The following SATB2 variants were observed in gnomAD, a reference collection of about 807,000 sequenced individuals.
SATB2 encodes SATB homeobox 2.
In SATB2, 1 loss-of-function variant was observed where a neutral mutation model predicts 73.4. The observed-to-expected ratio is 0.01, with a 90% CI of 0.00 to 0.06. The LOEUF (loss-of-function observed/expected upper bound fraction) is 0.06, where lower values mean the gene tolerates loss of function less well. SATB2 is among the 10% of genes least tolerant of loss of function. The probability of loss-of-function intolerance (pLI) is 1.00; values close to 1 mark genes in which losing one functional copy is unlikely to be tolerated. For missense variants in SATB2, 459 were observed against 945.8 expected (o/e 0.49, Z 6.75); for synonymous variants, 397 against 367.0 (o/e 1.08, Z -0.93).
chr2:199,368,416 C>A (rs1209311205), intron 6 of SATB2, among the ~76,000 whole-genome samples, 189 bp downstream of exon 6: 1 of 152,086 alleles, frequency 6.6e-6, no homozygotes, highest in East Asian at 1.9e-4. Context: ...ACTAATTTTA[C>A]TTTTACTTCA....
chr2:199,302,972 G>A lies in SATB2; in HGVS notation c.1740+5788C>T, dbSNP rs116359561. The stretch of plus-strand genomic sequence containing the variant: ...TCACACCAATGATTTGTGGGTTTCA[G>A]TGCATTAGGTGTTCTGTAAATAAGA... On this transcript the variant is annotated intron_variant, in intron 10 of 10. Transcript: ENST00000417098. Among the ~76,000 whole-genome samples the A allele has an allele frequency of 3.6e-3, 550 of 152,292 alleles. 5 individuals are homozygous for A. The highest frequency in any genetic ancestry group is 0.013 in the African/African-American group (527 of 41,552).
intron 5 of SATB2, among the ~76,000 whole-genome samples, chr2:199,376,665 A>G (rs1266217461): frequency 6.6e-6 from 1 of 152,180 alleles, no homozygotes; most frequent in South Asian, 2.1e-4. Context: ...AAAGATCAAT[A>G]AGAGATGGCC....
At chr2:199,411,592 C>T (rs1246405480) in intron 3 of SATB2, among the ~76,000 whole-genome samples, 1 of 152,140 alleles carries the variant, frequency 6.6e-6, no homozygotes, top group Non-Finnish European at 1.5e-5. Flanking sequence ...AACATACACA[C>T]CCAATGTCAC....
At chr2:199,322,186 G>A (rs567689211) in intron 9 of SATB2, among the ~76,000 whole-genome samples, 9 of 152,216 alleles carry the variant, frequency 5.9e-5, no homozygotes, top group Admixed American at 5.9e-4. Flanking sequence ...TTTCTTGAAA[G>A]CTGCTTATAA....
intron 10 of SATB2, among the ~76,000 whole-genome samples, chr2:199,298,627 C>T (rs1454436108): frequency 1.3e-5 from 2 of 152,104 alleles, no homozygotes; most frequent in African/African-American, 4.8e-5. Flanking sequence ...TTCTCAGAAA[C>T]GCAACTGGGA....
chr2:199,285,735 G>A (rs1050748544), intron 10 of SATB2, among the ~76,000 whole-genome samples: 1 of 149,202 alleles, frequency 6.7e-6, no homozygotes. Flanking sequence ...AAAAAAAAAA[G>A]AGAGAGAGAG....
intron 10 of SATB2, among the ~76,000 whole-genome samples, chr2:199,278,391 A>G (rs1692383034): frequency 6.6e-6 from 1 of 152,238 alleles, no homozygotes; most frequent in African/African-American, 2.4e-5. Flanking sequence ...CAGTCACATC[A>G]GCCACATTTT....
At chr2:199,429,854 G>A (rs921914291) in intron 3 of SATB2, among the ~76,000 whole-genome samples, 2 of 152,212 alleles carry the variant, frequency 1.3e-5, no homozygotes, top group African/African-American at 2.4e-5. Context: ...AGGTTGCAGT[G>A]AGCCAAGATC....
At chr2:199,397,199 T>C (rs890198081) in intron 3 of SATB2, among the ~76,000 whole-genome samples, 4 of 152,240 alleles carry the variant, frequency 2.6e-5, no homozygotes, top group Admixed American at 2.6e-4. Context: ...GAAATATACC[T>C]TGAATTTCGG....
intron 3 of SATB2, among the ~76,000 whole-genome samples, chr2:199,421,962 G>GAA (rs1353026760): frequency 6.6e-6 from 1 of 152,132 alleles, no homozygotes; most frequent in Non-Finnish European, 1.5e-5. Context: ...GCATGTGCTG[G>GAA]GTATATAGTA....
chr2:199,332,598 A>C (rs1487877622), intron 7 of SATB2, among the ~76,000 whole-genome samples: 2 of 152,170 alleles, frequency 1.3e-5, no homozygotes, highest in Non-Finnish European at 2.9e-5. Context: ...CTAATTTTTA[A>C]ATGAAAAATT....
intron 2 of SATB2, among the ~76,000 whole-genome samples, chr2:199,440,679 C>T (rs1051034198): frequency 2.6e-5 from 4 of 152,092 alleles, no homozygotes; most frequent in African/African-American, 9.7e-5. Context: ...GTAAACTACA[C>T]ATTCCCTGAA....
chr2:199,362,241 C>T (rs980281258), intron 6 of SATB2, among the ~76,000 whole-genome samples: 1 of 152,162 alleles, frequency 6.6e-6, no homozygotes, highest in African/African-American at 2.4e-5. Context: ...CGTACCTCTG[C>T]ATCTGTACTG....
intron 3 of SATB2, among the ~76,000 whole-genome samples, chr2:199,426,707 A>AC (rs71019003): frequency 7.8e-6 from 1 of 127,862 alleles, no homozygotes; most frequent in Admixed American, 8.2e-5. Context: ...AAAAAAAAAA[A>AC]AAAAGAAAAG....
intron 7 of SATB2, 73 bp from the exon 8 acceptor site, chr2:199,328,983 C>T: frequency 8.7e-7 from 1 of 1,145,558 alleles, no homozygotes. Context: ...GTCTTCCACC[C>T]CTCTCCTCCT....
intron 7 of SATB2, among the ~76,000 whole-genome samples, chr2:199,344,071 T>C (rs1040565691): frequency 6.6e-6 from 1 of 152,202 alleles, no homozygotes; most frequent in East Asian, 1.9e-4. Context: ...TCTTCTCTCA[T>C]GCTTCATGCT....
rs551461146 is a variant in SATB2 at position 199,436,925 on chromosome 2, A to G, written c.170-3411T>C. ...AAGAGGGAAAAAGAAAGAAAAAAAA[A>G]AGAGAGAGAAAAGTGACAATGGATA... On this transcript the variant is annotated intron_variant, in intron 2 of 10. Transcript: ENST00000417098. 1.1e-4 allele frequency among the ~76,000 whole-genome samples: 17 copies of G among 152,172 alleles called. No homozygotes were observed. The East Asian group carries it at 2.7e-3, about 24-fold the overall frequency.
At chr2:199,470,829 C>G (rs1210112816) in intron 1 of SATB2, 2 of 152,386 alleles carry the variant, frequency 1.3e-5, no homozygotes, top group African/African-American at 4.8e-5. Flanking sequence ...GCCGGAGCCT[C>G]CGCACCGTGC....
intron 10 of SATB2, among the ~76,000 whole-genome samples, chr2:199,284,399 C>A (rs995220148): frequency 4.6e-5 from 7 of 152,102 alleles, no homozygotes; most frequent in African/African-American, 1.7e-4. Flanking sequence ...TGCAACTAAC[C>A]ATTAAGAAAC....
Sources: allele counts gnomAD v4.1 joint callset (sites outside exome capture counted in the v4.1 genomes callset), GRCh38; gene constraint gnomAD v4.1.1; transcripts MANE v1.5; gene names NCBI Gene and HGNC (gene_info 2026-07-23, HGNC 2026-07-21).